Variants in FKBP7 observed in about 807,000 individuals in gnomAD.
The protein encoded by FKBP7 is FKBP prolyl isomerase 7, also known as peptidyl-prolyl cis-trans isomerase FKBP7.
Under a neutral mutation model 24.3 loss-of-function variants are expected in FKBP7, and 24 were observed. The ratio of observed to expected loss-of-function variants is 0.99; its 90% CI spans 0.72 to 1.39. The LOEUF (loss-of-function observed/expected upper bound fraction) is 1.39, where lower values mean the gene tolerates loss of function less well. Ranked by LOEUF, FKBP7 falls within the 40% of genes most tolerant of loss-of-function variation. The pLI is 0.00. For synonymous variants in FKBP7, 98 were observed against 92.8 expected, an observed-to-expected ratio of 1.06 and a Z score of -0.32; for missense variants, 257 against 269.5, an observed-to-expected ratio of 0.95 and a Z score of 0.33.
Position 178,478,234 on chromosome 2 carries a change from G to T in FKBP7, c.221+45C>A, listed in dbSNP as rs375867380. 13 of 1,608,126 alleles carry T rather than the reference G, an allele frequency of 8.1e-6. No individual in the cohort carries two copies. The African/African-American group carries it at 1.7e-4, about 22-fold the overall frequency. On this transcript the variant is annotated intron_variant, in intron 1 of 3. Transcript: ENST00000424785. Reference sequence around the variant, plus strand: ...GCTTCCGCTTGGTGGAGGCAGGCAAGATTTTGTGCAACTGGACGCACGGGC... The same window carrying T: ...GCTTCCGCTTGGTGGAGGCAGGCAATATTTTGTGCAACTGGACGCACGGGC...
At position 178,465,802 on chromosome 2, in the gene FKBP7, C is replaced by T; in HGVS notation, c.637G>A (p.Glu213Lys). Residue 213 changes from glutamate (E) to lysine (K), a missense_variant, in exon 4 of 4, where the codon GAA becomes AAA. Physicochemically the swap from Glu to Lys is moderately conservative, Grantham distance 56. Coordinates refer to ENST00000424785, the MANE Select transcript of FKBP7 (RefSeq NM_181342.3). Reference protein sequence around the residue: ...HDGDGFISPKEYNVYQHDEL With the variant: ...HDGDGFISPKKYNVYQHDEL ...TCATCGTGTTGGTATACATTGTATT[C>T]CTTGGGAGAAATGAAGCCATCACCA... 1.2e-6 allele frequency: 2 copies of T among 1,607,554 alleles called. No individual in the cohort carries two copies. Among genetic ancestry groups the T allele is most frequent in the Non-Finnish European group, 1.7e-6 (2 of 1,177,462 alleles).
In FKBP7 at chr2:178,465,366, T is replaced by C. The variant is rs1229186178; in HGVS notation, c.*404A>G. ...TGCTAATTCCTGGGTCCTTAATGGA[T>C]ATTTTCAAAATATGAGGCACTTTAA... On this transcript the variant is annotated 3_prime_UTR_variant, in exon 4 of 4. Coordinates refer to ENST00000424785, the MANE Select transcript of FKBP7 (RefSeq NM_181342.3). The C allele has an allele frequency of 6.5e-6, 1 of 153,280 alleles. No homozygotes were observed. Among genetic ancestry groups the C allele is most frequent in the Non-Finnish European group, 1.5e-5 (1 of 68,800 alleles). 9.5% of individuals were successfully genotyped at this position (153,280 alleles called of 1,614,324 possible). A position where few individuals can be genotyped will look rare whatever the true frequency, so the allele number is the denominator to read the frequency against.
chr2:178,474,970 G>A (rs923801166), intron 2 of FKBP7, among the ~76,000 whole-genome samples: 2 of 152,160 alleles, frequency 1.3e-5, no homozygotes, highest in African/African-American at 4.8e-5. Context: ...TTATAGGCAT[G>A]AAGCCACCAT....
chr2:178,475,422 G>A (rs1684972157), intron 2 of FKBP7, among the ~76,000 whole-genome samples: 2 of 152,034 alleles, frequency 1.3e-5, no homozygotes, highest in African/African-American at 4.8e-5. Flanking sequence ...TGGAGACGGG[G>A]TTTCACCATA....
chr2:178,476,990 C>A, intron 2 of FKBP7, 72 bp downstream of exon 2: 3 of 1,119,480 alleles, frequency 2.7e-6, no homozygotes, highest in African/African-American at 1.6e-5. Flanking sequence ...TCTTTCAGAC[C>A]TATATACCCA....
chr2:178,466,365 A>G (rs1575130052), intron 3 of FKBP7, among the ~76,000 whole-genome samples: 2 of 152,158 alleles, frequency 1.3e-5, no homozygotes, highest in East Asian at 3.8e-4. Flanking sequence ...AATAAAATTT[A>G]GTATTTTAAG....
chr2:178,469,545 G>T, intron 3 of FKBP7, 107 bp downstream of exon 3: 1 of 1,155,792 alleles, frequency 8.7e-7, no homozygotes, highest in Admixed American at 2.1e-5. Context: ...TAAAAGCAGT[G>T]ATCAGAGCCC....
rs1684635865 is a variant in FKBP7 at position 178,465,752 on chromosome 2, AG to A, written c.*17del. ...GTACAGTAAATAGCTAAAAAAAAAA[AG>A]TAGAAATACAAATATGCTATAGTTC... On this transcript the variant is annotated 3_prime_UTR_variant, in exon 4 of 4. Coordinates refer to ENST00000424785, the MANE Select transcript of FKBP7 (RefSeq NM_181342.3). 6.5e-7 allele frequency: 1 copy of A among 1,528,586 alleles called. No individual in the cohort carries two copies. 94.7% of individuals were successfully genotyped at this position (1,528,586 alleles called of 1,614,324 possible).
At chr2:178,469,562 G>C in intron 3 of FKBP7, 90 bp downstream of exon 3, 2 of 1,365,700 alleles carry the variant, frequency 1.5e-6, no homozygotes, top group Non-Finnish European at 2.1e-6. Context: ...GCCCATGCTA[G>C]CTAGACCTAA....
At chr2:178,472,915 TTTA>T in intron 2 of FKBP7, 4 of 317,228 alleles carry the variant, frequency 1.3e-5, no homozygotes, top group Non-Finnish European at 1.8e-5. Flanking sequence ...TTTTTTTTTT[TTTA>T]AAAAAAACTA....
chr2:178,471,927 C>CT (rs1432905080), intron 2 of FKBP7, among the ~76,000 whole-genome samples: 1 of 152,196 alleles, frequency 6.6e-6, no homozygotes, highest in East Asian at 1.9e-4. Context: ...TATTACCTGA[C>CT]TTTAGAGTAG....
At chr2:178,471,376 A>C (rs1197955826) in intron 2 of FKBP7, among the ~76,000 whole-genome samples, 3 of 150,854 alleles carry the variant, frequency 2.0e-5, no homozygotes, top group Non-Finnish European at 3.0e-5. Flanking sequence ...ATCCTGGCTA[A>C]TTTTTTATAC....
At chr2:178,466,132 T>A (rs900035552) in intron 3 of FKBP7, among the ~76,000 whole-genome samples, 4 of 152,190 alleles carry the variant, frequency 2.6e-5, no homozygotes, top group Non-Finnish European at 5.9e-5. Flanking sequence ...TTCAAATTAG[T>A]TTTCCCTAAG....
In FKBP7 at chr2:178,477,066, G is replaced by A. The variant is rs979138057; in HGVS notation, c.369C>T (p.Gly123=). ...AATTAAAATTAAACATCTTACCATA[G>A]CCTTCCTTTCCGTATGCAAATGAAG... is the stretch of plus-strand genomic sequence containing the variant. The part of the protein sequence containing the change: ...IPPSFAYGKE[G]YAEGKIPPDA... Residue 123 remains glycine (G), a synonymous_variant, in exon 2 of 4, where the codon GGC becomes GGT. Transcript: ENST00000424785. 1.3e-6 allele frequency: 2 copies of A among 1,584,234 alleles called. No individual in the cohort carries two copies. Among genetic ancestry groups the A allele is most frequent in the African/African-American group, 2.7e-5 (2 of 73,042 alleles).
At chr2:178,474,650 C>T (rs551344055) in intron 2 of FKBP7, among the ~76,000 whole-genome samples, 1 of 152,232 alleles carries the variant, frequency 6.6e-6, no homozygotes, top group South Asian at 2.1e-4. Flanking sequence ...AAGCCTGGCA[C>T]TGATGCTCAA....
At chr2:178,476,240 T>G (rs976436145) in intron 2 of FKBP7, among the ~76,000 whole-genome samples, 6 of 152,212 alleles carry the variant, frequency 3.9e-5, no homozygotes, top group African/African-American at 4.8e-5. Context: ...ATATTATCCT[T>G]ATAAGCAAAA....
At chr2:178,469,516 T>G (rs552162806) in intron 3 of FKBP7, 136 bp downstream of exon 3, 1 of 906,924 alleles carries the variant, frequency 1.1e-6, no homozygotes, top group African/African-American at 1.7e-5. Context: ...CTTAGATTAT[T>G]TTTTAGTGAC....
intron 2 of FKBP7, among the ~76,000 whole-genome samples, chr2:178,475,110 G>T (rs1684963820): frequency 6.6e-6 from 1 of 152,160 alleles, no homozygotes; most frequent in Non-Finnish European, 1.5e-5. Flanking sequence ...TGATGGATAG[G>T]CAGGTGGTTT....
intron 2 of FKBP7, among the ~76,000 whole-genome samples, chr2:178,472,418 C>T (rs1233367442): frequency 1.3e-5 from 2 of 152,012 alleles, no homozygotes; most frequent in Non-Finnish European, 2.9e-5. Flanking sequence ...GGTACATATG[C>T]AGTTTTTGAA....
Sources: gnomAD v4.1 joint callset for allele counts (sites outside exome capture counted in the v4.1 genomes callset) on GRCh38, gnomAD v4.1.1 for gene constraint, MANE v1.5 for transcripts, NCBI Gene and HGNC (gene_info 2026-07-23, HGNC 2026-07-21) for gene names.